SGCD: variants seen among roughly 807,000 people sequenced by gnomAD.
The protein encoded by SGCD is sarcoglycan delta.
SGCD carries 18 observed loss-of-function variants against 36.6 expected under a neutral mutation model. The observed-to-expected ratio is 0.49, with a 90% confidence interval of 0.34 to 0.73. The LOEUF is 0.73. Ranked by LOEUF, SGCD falls within the 30% of genes least tolerant of loss-of-function variation. The probability of loss-of-function intolerance (pLI) is 0.01; values close to 1 mark genes in which losing one functional copy is unlikely to be tolerated. For missense variants in SGCD, 387 were observed against 346.7 expected (o/e 1.12, Z -0.92); for synonymous variants, 133 against 130.6 (o/e 1.02, Z -0.12).
At chr5:156,192,073 C>T (rs1048784065) in intron 3 of SGCD, among the ~76,000 whole-genome samples, 3 of 152,066 alleles carry the variant, frequency 2.0e-5, no homozygotes, top group Non-Finnish European at 4.4e-5. Context: ...TCCATTTTTC[C>T]TCTTTTCCCA....
At chr5:155,928,534 G>A (rs1008362475) in intron 1 of SGCD, among the ~76,000 whole-genome samples, 1 of 151,844 alleles carries the variant, frequency 6.6e-6, no homozygotes, top group African/African-American at 2.4e-5. Flanking sequence ...TGGGTTCGGT[G>A]GTGCACACCT....
At chr5:155,947,293 TTG>T (rs56192140) in intron 1 of SGCD, among the ~76,000 whole-genome samples, 15,495 of 138,606 alleles carry the variant, frequency 0.11, 999 homozygotes, top group Non-Finnish European at 0.15. Flanking sequence ...ATAAATACTC[TTG>T]TGTGTGTGTG....
chr5:155,799,810 CCCTTTTT>C, the SGCD span, among the ~76,000 whole-genome samples: 65 of 90,284 alleles, frequency 7.2e-4, no homozygotes, highest in East Asian at 3.1e-3. Flanking sequence ...CTTCCTATTC[CCCTTTTT>C]TTTTTTTTTT....
At position 156,670,099 on chromosome 5, in the gene SGCD, A is replaced by C. The variant is rs190210745; in HGVS notation, c.575+22563A>C. 4.1e-3 allele frequency among the ~76,000 whole-genome samples: 621 copies of C among 152,360 alleles called. 4 individuals carry two copies. The highest frequency in any genetic ancestry group is 0.012 in the African/African-American group (514 of 41,586). On this transcript the variant is annotated intron_variant, in intron 7 of 8. Coordinates refer to ENST00000337851, the MANE Select transcript of SGCD (RefSeq NM_000337.6). ...ATTCCCAGACAAGTGGATTTTACTT[A>C]AAAATTAAAATTATATCATCTAGAT...
intron 1 of SGCD, among the ~76,000 whole-genome samples, chr5:156,035,162 CTGTT>C (rs1759456040): frequency 6.6e-6 from 1 of 152,148 alleles, no homozygotes; most frequent in African/African-American, 2.4e-5. Context: ...CTCGGTGAGT[CTGTT>C]TGTTTTTCTA....
rs540211053 is a variant in SGCD at position 156,257,156 on chromosome 5, C to T, written c.-43-72378C>T. Among the ~76,000 whole-genome samples, 8 of 124,242 alleles carry T rather than the reference C, an allele frequency of 6.4e-5. No homozygotes were observed. In the East Asian group the frequency reaches 1.6e-3, roughly 25 times the overall value. The allele number at this position is 124,242 out of a possible 152,430, so 81.5% of individuals were successfully genotyped here. ...ATACCACTGTACTCCAGCCTGGACC[C>T]TGTCTTCAAAATAAATAAATAAATA... On this transcript the variant is annotated intron_variant, in intron 3 of 9. Transcript: ENST00000517913.
intron 3 of SGCD, among the ~76,000 whole-genome samples, chr5:156,475,972 T>A (rs1755160044): frequency 6.6e-6 from 1 of 151,914 alleles, no homozygotes; most frequent in Non-Finnish European, 1.5e-5. Context: ...GGCTGCAGAG[T>A]GAGAAATCAG....
chr5:156,143,697 T>G (rs535168943), intron 3 of SGCD, among the ~76,000 whole-genome samples: 1 of 152,324 alleles, frequency 6.6e-6, no homozygotes, highest in Admixed American at 6.5e-5. Flanking sequence ...GTTTTGGACT[T>G]GCATACGGCC....
At chr5:156,669,289 C>G (rs1358046424) in intron 7 of SGCD, among the ~76,000 whole-genome samples, 1 of 152,098 alleles carries the variant, frequency 6.6e-6, no homozygotes, top group Admixed American at 6.6e-5. Flanking sequence ...TAGCCAGACA[C>G]TAGATGCTGA....
intron 3 of SGCD, among the ~76,000 whole-genome samples, chr5:156,197,831 A>T (rs1764056744): frequency 1.3e-5 from 2 of 152,200 alleles, no homozygotes; most frequent in South Asian, 4.1e-4. Flanking sequence ...AAATAATGGT[A>T]TATATTTATG....
chr5:156,458,418 T>G, intron 3 of SGCD: 3 of 1,604,044 alleles, frequency 1.9e-6, no homozygotes, highest in Non-Finnish European at 2.6e-6. Flanking sequence ...ATCGATGTAG[T>G]AGACACCAAT....
chr5:156,378,959 C>T (rs186020944), intron 3 of SGCD, among the ~76,000 whole-genome samples: 162 of 152,222 alleles, frequency 1.1e-3, no homozygotes, highest in Admixed American at 2.8e-3. Context: ...ACTTTTTAAT[C>T]CATTCAGTCA....
At chr5:156,268,785 G>A (rs1354937350) in intron 3 of SGCD, among the ~76,000 whole-genome samples, 2 of 152,010 alleles carry the variant, frequency 1.3e-5, no homozygotes, top group African/African-American at 4.8e-5. Context: ...GTAGAGATAG[G>A]GTTTCTTCAT....
intron 7 of SGCD, among the ~76,000 whole-genome samples, chr5:156,687,953 T>G (rs1182450419): frequency 1.3e-5 from 2 of 152,190 alleles, no homozygotes; most frequent in Non-Finnish European, 1.5e-5. Context: ...GAAATTTTTC[T>G]GACACCTACC....
intron 6 of SGCD, among the ~76,000 whole-genome samples, chr5:156,596,458 A>C (rs575974564): frequency 6.6e-6 from 1 of 152,362 alleles, no homozygotes; most frequent in African/African-American, 2.4e-5. Flanking sequence ...TATGTAAAGT[A>C]CTGAGTTGGC....
chr5:156,662,725 C>A (rs879910235), intron 7 of SGCD, among the ~76,000 whole-genome samples: 9,205 of 108,560 alleles, frequency 0.085, 1 homozygote, highest in African/African-American at 0.12. Flanking sequence ...GGTTGAATTA[C>A]GGCGTTTACA....
intron 1 of SGCD, among the ~76,000 whole-genome samples, chr5:155,895,638 A>G (rs1016071096): frequency 3.3e-5 from 5 of 152,102 alleles, no homozygotes; most frequent in Non-Finnish European, 7.4e-5. Context: ...GCTGTGAAAG[A>G]ACTGTCAAAT....
At chr5:156,716,303 CTG>C (rs1755220917) in intron 7 of SGCD, among the ~76,000 whole-genome samples, 1 of 152,220 alleles carries the variant, frequency 6.6e-6, no homozygotes, top group East Asian at 1.9e-4. Flanking sequence ...CTTCCTGCCA[CTG>C]TCTTATTATC....
intron 4 of SGCD, among the ~76,000 whole-genome samples, chr5:156,576,170 C>T (rs551511923): frequency 8.6e-5 from 13 of 151,742 alleles, no homozygotes; most frequent in African/African-American, 2.7e-4. Context: ...TGAGAACATG[C>T]GGTGTTTGGT....
Sources: gnomAD v4.1 joint callset for allele counts (sites outside exome capture counted in the v4.1 genomes callset) on GRCh38, gnomAD v4.1.1 for gene constraint, MANE v1.5 for transcripts, NCBI Gene and HGNC (gene_info 2026-07-23, HGNC 2026-07-21) for gene names.